RBM33: variants seen among roughly 807,000 people sequenced by gnomAD.
RBM33 encodes the protein RNA binding motif protein 33, also known as RNA-binding protein 33.
Under a neutral mutation model 132.6 loss-of-function variants are expected in RBM33, and 28 were observed. That is an observed-to-expected ratio of 0.21 (90% CI 0.16 to 0.29). The LOEUF is 0.29. Among genes scored for constraint, RBM33 ranks in the 10% least tolerant of loss-of-function variants. The probability of loss-of-function intolerance (pLI) is 1.00; values close to 1 mark genes in which losing one functional copy is unlikely to be tolerated. For missense variants in RBM33, 1,291 were observed against 1,518.5 expected (o/e 0.85, Z 2.49); for synonymous variants, 634 against 593.0 (o/e 1.07, Z -1.01).
At chr7:155,711,092 TC>T in intron 7 of RBM33, 110 bp from the exon 8 acceptor site, 1 of 1,368,384 alleles carries the variant, frequency 7.3e-7, no homozygotes, top group Middle Eastern at 1.9e-4. Flanking sequence ...AAAAATGCAA[TC>T]AGTGTAAATT....
chr7:155,739,777 GC>G lies in RBM33; in HGVS notation c.1805del (p.Pro602ArgfsTer48). On this transcript the variant is annotated frameshift_variant, in exon 12 of 18. Coordinates refer to ENST00000401878, the MANE Select transcript of RBM33 (RefSeq NM_053043.3). LOFTEE classifies it high-confidence loss of function. Reference sequence around the variant, plus strand: ...CTCAGCCTCAGCAACCTCAGCAACAGCCCCCGCCACAGCACCAGCCTCCGCA... The same window carrying G: ...CTCAGCCTCAGCAACCTCAGCAACAGCCCCGCCACAGCACCAGCCTCCGCA... ...QPQPQQPQQQPPPQHQPPHQP... is the reference protein window; with the variant it reads ...QPQPQQPQQQXPPQHQPPHQP... 1 of 1,531,050 alleles carries G rather than the reference GC, an allele frequency of 6.5e-7. No homozygotes were observed. The allele number at this position is 1,531,050 out of a possible 1,614,324, so 94.8% of individuals were successfully genotyped here.
At chr7:155,682,896 A>G (rs952392795) in intron 5 of RBM33, among the ~76,000 whole-genome samples, 9 of 152,172 alleles carry the variant, frequency 5.9e-5, no homozygotes, top group Non-Finnish European at 1.2e-4. Flanking sequence ...TAATTATCCA[A>G]CATCTTGTGG....
At position 155,777,942 on chromosome 7, in the gene RBM33, C is replaced by G. The variant is rs1033005127; in HGVS notation, c.*2901C>G. ...CTGATTATGTGGAGCCAAGTTACTT[C>G]TTTTCTTTTTGCATTATCTTGTTTT... On this transcript the variant is annotated 3_prime_UTR_variant, in exon 18 of 18. Coordinates refer to ENST00000401878, the MANE Select transcript of RBM33 (RefSeq NM_053043.3). The G allele has an allele frequency of 2.0e-5, 3 of 152,660 alleles. No homozygotes were observed. Among genetic ancestry groups the G allele is most frequent in the Non-Finnish European group, 2.9e-5 (2 of 68,040 alleles). The allele number at this position is 152,660 out of a possible 1,614,324, so 9.5% of individuals were successfully genotyped here. A position where few individuals can be genotyped will look rare whatever the true frequency, so the allele number is the denominator to read the frequency against.
At chr7:155,735,996 G>A (rs1445019946) in intron 9 of RBM33, among the ~76,000 whole-genome samples, 1 of 152,018 alleles carries the variant, frequency 6.6e-6, no homozygotes, top group Non-Finnish European at 1.5e-5. Context: ...TTTCAGCTTT[G>A]GACTTTCTGT....
At chr7:155,725,868 A>G (rs952505015) in intron 9 of RBM33, among the ~76,000 whole-genome samples, 3 of 152,198 alleles carry the variant, frequency 2.0e-5, no homozygotes, top group Non-Finnish European at 2.9e-5. Flanking sequence ...ATCCTTCTTC[A>G]AAATGTTTAG....
intron 3 of RBM33, among the ~76,000 whole-genome samples, chr7:155,677,780 G>C (rs939568112): frequency 4.6e-5 from 7 of 152,168 alleles, no homozygotes; most frequent in Non-Finnish European, 7.4e-5. Flanking sequence ...AAGAAGAAAA[G>C]CAAGTTGATT....
In RBM33 at chr7:155,673,940, G is replaced by GTTGTTTTT; in HGVS notation, c.171+1027_171+1028insGTTTTTTT. On this transcript the variant is annotated intron_variant, in intron 3 of 17. Transcript: ENST00000401878. ...TCATTATCAAGATAGTTTAGGCTTAGTTTTTTTTTTTTTTTTTTTTTTTTT... is the reference window on the plus strand; with the variant it reads ...TCATTATCAAGATAGTTTAGGCTTAGTTGTTTTTTTTTTTTTTTTTTTTTTTTTTTTTT... 3.7e-4 allele frequency among the ~76,000 whole-genome samples: 20 copies of GTTGTTTTT among 54,214 alleles called. 1 individual carries two copies. Among genetic ancestry groups the GTTGTTTTT allele is most frequent in the African/African-American group, 1.6e-3 (19 of 12,118 alleles). The allele number at this position is 54,214 out of a possible 152,430, so 35.6% of individuals were successfully genotyped here. A position where few individuals can be genotyped will look rare whatever the true frequency, so the allele number is the denominator to read the frequency against.
At chr7:155,715,064 T>A (rs115625727) in intron 8 of RBM33, among the ~76,000 whole-genome samples, 112 of 152,110 alleles carry the variant, frequency 7.4e-4, no homozygotes, top group African/African-American at 2.6e-3. Flanking sequence ...TCCCCCAAAG[T>A]TTTTCCCACC....
At chr7:155,744,787 T>TTC (rs1801458551) in intron 13 of RBM33, among the ~76,000 whole-genome samples, 174 bp from the exon 14 acceptor site, 1 of 151,878 alleles carries the variant, frequency 6.6e-6, no homozygotes, top group Non-Finnish European at 1.5e-5. Context: ...GTGGTTTTTT[T>TTC]CCCCCTCCCC....
intron 14 of RBM33, among the ~76,000 whole-genome samples, chr7:155,757,162 G>A (rs577397675): frequency 2.0e-5 from 3 of 148,636 alleles, no homozygotes; most frequent in Non-Finnish European, 4.5e-5. Context: ...AAGTTGAATC[G>A]AAGAGTCAAT....
At chr7:155,699,002 G>T (rs1206234388) in intron 5 of RBM33, among the ~76,000 whole-genome samples, 1 of 152,140 alleles carries the variant, frequency 6.6e-6, no homozygotes, top group East Asian at 1.9e-4. Flanking sequence ...TTTCTCTAGG[G>T]TAAATATCTA....
intron 2 of RBM33, among the ~76,000 whole-genome samples, chr7:155,668,208 C>G (rs1216706489): frequency 6.6e-6 from 1 of 152,076 alleles, no homozygotes; most frequent in African/African-American, 2.4e-5. Flanking sequence ...TATTAGTATA[C>G]TGTCACTTAC....
chr7:155,729,321 T>C (rs969444260), intron 9 of RBM33, among the ~76,000 whole-genome samples: 1 of 152,154 alleles, frequency 6.6e-6, no homozygotes, highest in Non-Finnish European at 1.5e-5. Context: ...AGCCAAACCC[T>C]ATCAGCATGG....
chr7:155,717,183 G>C (rs897699207), intron 8 of RBM33, among the ~76,000 whole-genome samples: 1 of 152,174 alleles, frequency 6.6e-6, no homozygotes, highest in Non-Finnish European at 1.5e-5. Context: ...GTTTGCTGGG[G>C]CTGCTGTAAC....
intron 1 of RBM33, among the ~76,000 whole-genome samples, chr7:155,649,463 C>T (rs1359991276): frequency 6.6e-6 from 1 of 152,132 alleles, no homozygotes; most frequent in African/African-American, 2.4e-5. Flanking sequence ...TAATTGTATC[C>T]TAATTTATGT....
At chr7:155,701,051 C>T (rs747693458) in intron 6 of RBM33, 107 bp downstream of exon 6, 51 of 969,046 alleles carry the variant, frequency 5.3e-5, no homozygotes, top group East Asian at 2.6e-4. Flanking sequence ...TAGGTAATTG[C>T]GGCTGCCGTC....
At chr7:155,715,419 T>C (rs17878615) in intron 8 of RBM33, among the ~76,000 whole-genome samples, 27,167 of 152,030 alleles carry the variant, frequency 0.18, 2,493 homozygotes, top group East Asian at 0.28. Context: ...AAATATAGGG[T>C]GGTAAAGCTG....
At chr7:155,695,728 C>T (rs939144015) in intron 5 of RBM33, among the ~76,000 whole-genome samples, 10 of 152,118 alleles carry the variant, frequency 6.6e-5, no homozygotes, top group Admixed American at 2.0e-4. Flanking sequence ...CCCAAAGTGC[C>T]GGGATTATAG....
At chr7:155,732,369 C>G (rs749346680) in intron 9 of RBM33, among the ~76,000 whole-genome samples, 2 of 152,198 alleles carry the variant, frequency 1.3e-5, no homozygotes, top group Non-Finnish European at 2.9e-5. Context: ...GGACTCTCCC[C>G]CTTTCTCTAA....
Sources: gnomAD v4.1 joint callset for allele counts (sites outside exome capture counted in the v4.1 genomes callset) on GRCh38, gnomAD v4.1.1 for gene constraint, MANE v1.5 for transcripts, NCBI Gene and HGNC (gene_info 2026-07-23, HGNC 2026-07-21) for gene names.